Variants in SAMD8 observed in about 807,000 individuals in gnomAD.
SAMD8 encodes the protein sterile alpha motif domain containing 8, also known as sphingomyelin synthase-related protein 1.
SAMD8 carries 20 observed loss-of-function variants against 42.0 expected under a neutral mutation model. That is an observed-to-expected ratio of 0.48 (90% CI 0.34 to 0.69). The LOEUF is 0.69. Ranked by LOEUF, SAMD8 falls within the 30% of genes least tolerant of loss-of-function variation. The pLI, the probability that SAMD8 is intolerant of heterozygous loss-of-function variation, is 0.01. For missense variants in SAMD8, 328 were observed against 511.6 expected (o/e 0.64, Z 3.46); for synonymous variants, 162 against 173.0 (o/e 0.94, Z 0.50).
chr10:75,117,124 A>C (rs1848902144), intron 1 of SAMD8, among the ~76,000 whole-genome samples: 1 of 151,916 alleles, frequency 6.6e-6, no homozygotes, highest in Admixed American at 6.6e-5. Context: ...AGCATATTTA[A>C]AAATAAAGAT....
chr10:75,139,696 G>A (rs1839973876), intron 1 of SAMD8, among the ~76,000 whole-genome samples: 1 of 152,092 alleles, frequency 6.6e-6, no homozygotes, highest in South Asian at 2.1e-4. Flanking sequence ...AATATATATT[G>A]CTTCTATATA....
At chr10:75,125,854 C>T (rs1437255575) in intron 1 of SAMD8, 1 of 152,192 alleles carries the variant, frequency 6.6e-6, no homozygotes, top group Non-Finnish European at 1.5e-5. Context: ...CCCATGACCT[C>T]CACCAAAGTC....
At chr10:75,157,235 G>A (rs1840432436) in intron 2 of SAMD8, among the ~76,000 whole-genome samples, 1 of 142,056 alleles carries the variant, frequency 7.0e-6, no homozygotes, top group South Asian at 2.2e-4. Flanking sequence ...TGATGAGGGG[G>A]AGAGAGAGAG....
intron 1 of SAMD8, chr10:75,101,898 T>G: frequency 7.3e-7 from 1 of 1,367,416 alleles, no homozygotes; most frequent in Non-Finnish European, 9.8e-7. Flanking sequence ...GCTGTGCACT[T>G]CTCTGACGGG....
chr10:75,103,608 A>T (rs1207489383), intron 1 of SAMD8, among the ~76,000 whole-genome samples: 3 of 152,142 alleles, frequency 2.0e-5, no homozygotes, highest in Non-Finnish European at 2.9e-5. Flanking sequence ...ACATACCTTG[A>T]TACTACTCCC....
At chr10:75,173,708 C>T (rs2132217963) in intron 4 of SAMD8, among the ~76,000 whole-genome samples, 1 of 152,276 alleles carries the variant, frequency 6.6e-6, no homozygotes, top group East Asian at 1.9e-4. Flanking sequence ...ATTCTTCTTC[C>T]TTTCTTTCCC....
At chr10:75,144,796 A>G (rs1172686192) in intron 1 of SAMD8, among the ~76,000 whole-genome samples, 1 of 152,002 alleles carries the variant, frequency 6.6e-6, no homozygotes, top group Non-Finnish European at 1.5e-5. Flanking sequence ...AGCTGGGACT[A>G]CAAGCATGGG....
At chr10:75,133,867 A>G (rs745525940) in intron 1 of SAMD8, among the ~76,000 whole-genome samples, 5 of 152,202 alleles carry the variant, frequency 3.3e-5, no homozygotes, top group Non-Finnish European at 7.3e-5. Context: ...AATTACAGTT[A>G]GCTCCATCCA....
upstream of SAMD8, among the ~76,000 whole-genome samples, chr10:75,109,394 T>A (rs1848708812): frequency 1.3e-5 from 2 of 152,066 alleles, no homozygotes; most frequent in South Asian, 4.1e-4. Context: ...TGAACCTCAG[T>A]TTCTTCATCT....
chr10:75,175,914 C>G, intron 4 of SAMD8, 152 bp from the exon 5 acceptor site: 1 of 1,451,804 alleles, frequency 6.9e-7, no homozygotes, highest in Non-Finnish European at 9.0e-7. Flanking sequence ...TTCTTGAAGT[C>G]TGGCTGGAAT....
chr10:75,155,828 G>A (rs539327328), intron 2 of SAMD8, among the ~76,000 whole-genome samples: 41 of 152,280 alleles, frequency 2.7e-4, no homozygotes, highest in Non-Finnish European at 4.7e-4. Context: ...AGAAAAGAAT[G>A]AAGACAATTT....
chr10:75,164,680 A>T lies in SAMD8; in HGVS notation c.614A>T (p.Glu205Val), dbSNP rs1416846764. The T allele has an allele frequency of 6.2e-7, 1 of 1,613,938 alleles. No homozygotes were observed. Among genetic ancestry groups the T allele is most frequent in the African/African-American group, 1.3e-5 (1 of 74,902 alleles). The change falls in exon 3 of 6, where the codon GAA becomes GTA. Residue 205 changes from glutamate (E) to valine (V), a missense_variant. Physicochemically the swap from Glu to Val is moderately radical, Grantham distance 121. Around this residue, in one of 2 missense-constraint regions of SAMD8, gnomAD observed 178 missense variants for 325.6 expected, o/e 0.55. Coordinates refer to ENST00000542569, the MANE Select transcript of SAMD8 (RefSeq NM_001174156.2). The part of the protein sequence containing the change: ...PRIPWAFAMT[E>V]VCGMILCYIW... ...ATCCCATGGGCCTTTGCCATGACGG[A>T]AGTATGTGGCATGATTCTGTGCTAT...
chr10:75,153,188 G>T lies in SAMD8; in HGVS notation c.578+2082G>T, dbSNP rs377498350. On this transcript the variant is annotated intron_variant, in intron 2 of 5. Transcript: ENST00000542569. ...GTAGAGACGAGGTTTCACAGTGTTGGTCAGGCTGGTCTCGAACTCCTGACC... is the reference window on the plus strand; with the variant it reads ...GTAGAGACGAGGTTTCACAGTGTTGTTCAGGCTGGTCTCGAACTCCTGACC... 4.8e-4 allele frequency among the ~76,000 whole-genome samples: 73 copies of T among 152,082 alleles called. 1 individual carries two copies. The South Asian group carries it at 0.014, about 30-fold the overall frequency.
chr10:75,114,602 A>G (rs996365268), intron 1 of SAMD8, among the ~76,000 whole-genome samples: 9 of 152,162 alleles, frequency 5.9e-5, no homozygotes, highest in African/African-American at 2.2e-4. Flanking sequence ...ACTTTTTTTG[A>G]GAAACTTAAA....
chr10:75,105,656 C>T (rs1263902919), intron 1 of SAMD8: 48 of 1,547,736 alleles, frequency 3.1e-5, no homozygotes, highest in Non-Finnish European at 4.1e-5. Context: ...CCCCTGAGGC[C>T]TCACCTGGCC....
chr10:75,106,056 A>G (rs1266096688), intron 1 of SAMD8, among the ~76,000 whole-genome samples: 1 of 147,536 alleles, frequency 6.8e-6, no homozygotes. Flanking sequence ...TGTTCTGCCT[A>G]CCCTTGGGAT....
chr10:75,161,231 A>G (rs1840550891), intron 2 of SAMD8, among the ~76,000 whole-genome samples: 1 of 152,192 alleles, frequency 6.6e-6, no homozygotes, highest in Admixed American at 6.6e-5. Flanking sequence ...AAAAGTCTAT[A>G]TACCAATCAC....
intron 1 of SAMD8, chr10:75,103,960 G>A (rs1446954202): frequency 8.3e-6 from 11 of 1,328,476 alleles, no homozygotes; most frequent in African/African-American, 1.5e-5. Context: ...TGGAGTAGCA[G>A]GCTCTAGGGC....
intron 1 of SAMD8, among the ~76,000 whole-genome samples, chr10:75,131,071 A>C (rs566313166): frequency 1.2e-4 from 18 of 152,362 alleles, no homozygotes; most frequent in Admixed American, 3.3e-4. Flanking sequence ...ACAACTAGGC[A>C]AAGATCAAGC....
Sources: gnomAD v4.1 joint callset for allele counts (sites outside exome capture counted in the v4.1 genomes callset) on GRCh38, gnomAD v4.1.1 for gene constraint, gnomAD v4.1.1 regional missense constraint, MANE v1.5 for transcripts, NCBI Gene and HGNC (gene_info 2026-07-23, HGNC 2026-07-21) for gene names.